The following PMPCA variants were observed in gnomAD, a reference collection of about 807,000 sequenced individuals.
PMPCA encodes peptidase, mitochondrial processing subunit alpha.
In PMPCA, 47 loss-of-function variants were observed where a neutral mutation model predicts 59.3. The observed-to-expected ratio is 0.79, with a 90% confidence interval of 0.63 to 1.01. PMPCA has a LOEUF of 1.01. Ranked by LOEUF, PMPCA falls within the 50% of genes least tolerant of loss-of-function variation. PMPCA has a pLI of 0.00. For synonymous variants in PMPCA, 338 were observed against 290.3 expected, an observed-to-expected ratio of 1.16 and a Z score of -1.67; for missense variants, 726 against 704.5, an observed-to-expected ratio of 1.03 and a Z score of -0.34.
intron 12 of PMPCA, 170 bp downstream of exon 12, chr9:136,422,146 G>T: frequency 6.5e-7 from 1 of 1,542,366 alleles, no homozygotes; most frequent in South Asian, 1.2e-5. Context: ...AGGGTCGTGG[G>T]GTCGCAGACC....
chr9:136,422,967 T>C (rs1835500594), intron 12 of PMPCA, 128 bp from the exon 13 acceptor site: 2 of 1,450,932 alleles, frequency 1.4e-6, no homozygotes, highest in Admixed American at 2.5e-5. Context: ...TGGGCCCAGG[T>C]GCCCCCATCA....
At chr9:136,419,232 G>T (rs757302206) in intron 11 of PMPCA, 126 bp downstream of exon 11, 1 of 903,908 alleles carries the variant, frequency 1.1e-6, no homozygotes, top group Non-Finnish European at 1.9e-6. Flanking sequence ...GGCAGGGCAG[G>T]GCAGGGCAGG....
At chr9:136,422,632 A>C in intron 12 of PMPCA, 1 of 1,006,330 alleles carries the variant, frequency 9.9e-7, no homozygotes, top group East Asian at 9.9e-5. Context: ...TCCTCAAGCG[A>C]GTGTCCAGCC....
Position 136,417,209 on chromosome 9 carries a change from G to T in PMPCA, c.892G>T (p.Ala298Ser). Residue 298 changes from alanine (A) to serine (S), a missense_variant, in exon 7 of 13, where the codon GCC becomes TCC. By Grantham distance (99) the Ala-to-Ser change is moderately conservative. Transcript: ENST00000371717. ...TGTGGCCCAGTACACTGGGGGGATT[G>T]CCAAGGTGAAGTAGCGGGAACGTCT... ...RSVAQYTGGI[A>S]KLERDMSNVS... 1 of 1,572,440 alleles carries T rather than the reference G, an allele frequency of 6.4e-7. No homozygotes were observed.
intron 5 of PMPCA, 109 bp from the exon 6 acceptor site, chr9:136,416,182 A>G (rs908270943): frequency 7.7e-6 from 6 of 777,492 alleles, no homozygotes; most frequent in Non-Finnish European, 1.1e-5. Flanking sequence ...GTGACTGCCA[A>G]CAGCCACCAA....
rs768108560 is a variant in PMPCA at position 136,423,153 on chromosome 9, G to C, written c.1467G>C (p.Pro489=). Reference sequence around the variant, plus strand: ...CTTCTAAGATGCTCCGAGGGAAGCCGGCAGTGGCCGCCCTGGGTGACCTGA... The same window carrying C: ...CTTCTAAGATGCTCCGAGGGAAGCCCGCAGTGGCCGCCCTGGGTGACCTGA... ...RVASKMLRGK[P]AVAALGDLTD... is the part of the protein sequence containing the mutation. Residue 489 remains proline (P), a synonymous_variant, in exon 13 of 13, where the codon CCG becomes CCC. Coordinates refer to ENST00000371717, the MANE Select transcript of PMPCA (RefSeq NM_015160.3). 10 of 1,613,740 alleles carry C rather than the reference G, an allele frequency of 6.2e-6. No homozygotes were observed. Among genetic ancestry groups the C allele is most frequent in the Non-Finnish European group, 8.5e-6 (10 of 1,180,010 alleles).
intron 9 of PMPCA, 64 bp downstream of exon 9, chr9:136,418,737 T>C: frequency 6.7e-7 from 1 of 1,493,960 alleles, no homozygotes; most frequent in Admixed American, 1.7e-5. Context: ...TTTTGGACCA[T>C]GAGGCCACCT....
Position 136,412,839 on chromosome 9 carries a change from A to G in PMPCA, c.384A>G (p.Glu128=). The G allele has an allele frequency of 6.2e-7, 1 of 1,609,248 alleles. No homozygotes were observed. ...CTGCTCGATTTGACAGCAAAGATGA[A>G]ATTCTGCTTACGTTGGAAAAGCATG... ...SSTARFDSKD[E]ILLTLEKHGG... The change falls in exon 4 of 13, where the codon GAA becomes GAG. Residue 128 remains glutamate, a synonymous_variant. Coordinates refer to ENST00000371717, the MANE Select transcript of PMPCA (RefSeq NM_015160.3).
chr9:136,410,885 G>A, intron 1 of PMPCA, 146 bp downstream of exon 1: 1 of 596,268 alleles, frequency 1.7e-6, no homozygotes, highest in Non-Finnish European at 2.5e-6. Context: ...GGCGACGGGG[G>A]CCCTGCCTTG....
chr9:136,412,449 G>T, intron 2 of PMPCA, 41 bp from the exon 3 acceptor site: 1 of 959,374 alleles, frequency 1.0e-6, no homozygotes, highest in South Asian at 1.4e-5. Context: ...ATCTTATTTT[G>T]AATATCTGAT....
chr9:136,421,075 C>G (rs45464397), intron 11 of PMPCA: 2 of 152,190 alleles, frequency 1.3e-5, no homozygotes, highest in African/African-American at 4.8e-5. Flanking sequence ...GCCTAGGACC[C>G]GCACTGCCTC....
intron 2 of PMPCA, 35 bp from the exon 3 acceptor site, chr9:136,412,455 C>T (rs1835159017): frequency 2.0e-6 from 2 of 981,434 alleles, no homozygotes; most frequent in South Asian, 1.4e-5. Context: ...TTTTGAATAT[C>T]TGATGTAACC....
At chr9:136,416,427 G>A (rs1482085015) in intron 6 of PMPCA, 36 bp downstream of exon 6, 21 of 1,436,842 alleles carry the variant, frequency 1.5e-5, no homozygotes, top group South Asian at 3.4e-5. Context: ...CCCGCATCTC[G>A]AACAGTGGTC....
At chr9:136,421,404 GTTTTTT>G (rs57128281) in intron 11 of PMPCA, among the ~76,000 whole-genome samples, 25,948 of 117,430 alleles carry the variant, frequency 0.22, 2,226 homozygotes, top group Non-Finnish European at 0.28. Flanking sequence ...CTGGGTTCCC[GTTTTTT>G]TTTTTTTTTT....
intron 5 of PMPCA, 48 bp from the exon 6 acceptor site, chr9:136,416,243 C>T (rs774535480): frequency 2.2e-6 from 3 of 1,360,370 alleles, no homozygotes; most frequent in Non-Finnish European, 2.1e-6. Context: ...CTGTGTTCCT[C>T]ATCTCTGCCT....
intron 12 of PMPCA, 81 bp downstream of exon 12, chr9:136,422,057 G>A (rs767218224): frequency 2.6e-5 from 41 of 1,550,388 alleles, no homozygotes; most frequent in South Asian, 2.6e-4. Context: ...CCCGCAGGCC[G>A]TGGTGGGCCT....
At chr9:136,422,781 T>C (rs984632059) in intron 12 of PMPCA, 39 of 1,143,596 alleles carry the variant, frequency 3.4e-5, no homozygotes, top group Non-Finnish European at 4.1e-5. Flanking sequence ...TGGGGGTTTT[T>C]TCTGCAGGCC....
Position 136,417,043 on chromosome 9 carries a change from G to A in PMPCA, c.726G>A (p.Leu242=), listed in dbSNP as rs1410537616. The A allele has an allele frequency of 2.5e-6, 4 of 1,613,982 alleles. No homozygotes were observed. Among genetic ancestry groups the A allele is most frequent in the Non-Finnish European group, 3.4e-6 (4 of 1,180,032 alleles). The change falls in exon 7 of 13, where the codon CTG becomes CTA. Residue 242 remains leucine, a synonymous_variant. Transcript: ENST00000371717. ...KINREVLHSY[L]RNYYTPDRMV... Reference sequence around the variant, plus strand: ...ACCGAGAGGTGCTGCATTCCTACCTGAGGAACTACTACACTCCCGACCGCA... The same window carrying A: ...ACCGAGAGGTGCTGCATTCCTACCTAAGGAACTACTACACTCCCGACCGCA...
Position 136,422,036 on chromosome 9 carries a change from C to T in PMPCA, c.1408+60C>T, listed in dbSNP as rs764176415. The T allele has an allele frequency of 1.0e-5, 16 of 1,560,244 alleles. No individual in the cohort carries two copies. In the East Asian group the frequency reaches 1.2e-4, roughly 12 times the overall value. On this transcript the variant is annotated intron_variant, in intron 12 of 12. Coordinates refer to ENST00000371717, the MANE Select transcript of PMPCA (RefSeq NM_015160.3). ...GGCCTCGGCCAGGCTCAGAGGAGGC[C>T]GTCTCGCCCTCCCGCAGGCCGTGGT...
Sources: gnomAD v4.1 joint callset for allele counts (sites outside exome capture counted in the v4.1 genomes callset) on GRCh38, gnomAD v4.1.1 for gene constraint, MANE v1.5 for transcripts, NCBI Gene and HGNC (gene_info 2026-07-23, HGNC 2026-07-21) for gene names.